The following HMCN1 variants were observed in gnomAD, a reference collection of about 807,000 sequenced individuals.
HMCN1 encodes hemicentin-1.
In HMCN1, 321 loss-of-function variants were observed where a neutral mutation model predicts 625.9. That is an observed-to-expected ratio of 0.51 (90% CI 0.47 to 0.56). The LOEUF (loss-of-function observed/expected upper bound fraction) is 0.56. Among genes scored for constraint, HMCN1 ranks in the 20% least tolerant of loss-of-function variants. HMCN1 has a pLI of 0.00. For missense variants in HMCN1, 6,588 were observed against 6,887.3 expected (o/e 0.96, Z 1.54); for synonymous variants, 2,425 against 2,417.6 (o/e 1.00, Z -0.09).
chr1:186,135,928 C>T (rs1422832890), intron 86 of HMCN1, among the ~76,000 whole-genome samples: 2 of 152,186 alleles, frequency 1.3e-5, no homozygotes, highest in African/African-American at 4.8e-5. Flanking sequence ...TATCTTTTCT[C>T]TATATGCTCT....
chr1:186,005,981 T>C (rs949132294), intron 29 of HMCN1, among the ~76,000 whole-genome samples: 3 of 151,706 alleles, frequency 2.0e-5, no homozygotes, highest in Non-Finnish European at 2.9e-5. Context: ...ACTAAAAATA[T>C]AAAAATTAGC....
intron 1 of HMCN1, among the ~76,000 whole-genome samples, chr1:185,776,970 A>G (rs987293399): frequency 6.6e-6 from 1 of 152,242 alleles, no homozygotes; most frequent in Non-Finnish European, 1.5e-5. Context: ...AGCCAATTAA[A>G]CCATAAATAC....
chr1:185,802,046 A>AT (rs1658830292), intron 1 of HMCN1, among the ~76,000 whole-genome samples: 1 of 152,126 alleles, frequency 6.6e-6, no homozygotes, highest in Admixed American at 6.5e-5. Flanking sequence ...TCTCTGAGAG[A>AT]TAAAAAGGAC....
intron 11 of HMCN1, among the ~76,000 whole-genome samples, chr1:185,951,472 T>C (rs559167449): frequency 0.031 from 4,243 of 138,662 alleles, 159 homozygotes; most frequent in African/African-American, 0.1. Context: ...AAGAAGGGGA[T>C]GGGCTTAACT....
Position 185,760,473 on chromosome 1 carries a change from G to A in HMCN1, c.268+25426G>A, listed in dbSNP as rs74133297. ...GTTCTTCAACGTAAAAGAATAGACC[G>A]ATGGTGTGGAGGCAGAGTCATTGTT... On this transcript the variant is annotated intron_variant, in intron 1 of 106. Coordinates refer to ENST00000271588, the MANE Select transcript of HMCN1 (RefSeq NM_031935.3). Among the ~76,000 whole-genome samples, 1,362 of 152,270 alleles carry A rather than the reference G, an allele frequency of 8.9e-3. 20 individuals are homozygous for A. Among genetic ancestry groups the A allele is most frequent in the African/African-American group, 0.029 (1,223 of 41,544 alleles).
At chr1:186,186,475 T>C (rs1290036621) in intron 105 of HMCN1, among the ~76,000 whole-genome samples, 1 of 152,128 alleles carries the variant, frequency 6.6e-6, no homozygotes, top group Admixed American at 6.6e-5. Context: ...TGCAATGAGC[T>C]GAGATTGCAC....
At chr1:185,837,312 T>C (rs529516472) in intron 1 of HMCN1, among the ~76,000 whole-genome samples, 1 of 152,144 alleles carries the variant, frequency 6.6e-6, no homozygotes, top group South Asian at 2.1e-4. Context: ...TTTTCTTTCT[T>C]ACACAGTATA....
At chr1:185,800,669 G>C (rs1052293722) in intron 1 of HMCN1, among the ~76,000 whole-genome samples, 1 of 152,050 alleles carries the variant, frequency 6.6e-6, no homozygotes, top group Non-Finnish European at 1.5e-5. Context: ...AAGTGAATTA[G>C]ATCTTTCACT....
chr1:185,796,753 TA>T (rs1292985742), intron 1 of HMCN1, among the ~76,000 whole-genome samples: 3 of 152,210 alleles, frequency 2.0e-5, no homozygotes, highest in Non-Finnish European at 4.4e-5. Flanking sequence ...ACTATTGATG[TA>T]TACTTAGGTT....
At chr1:186,160,228 C>G (rs1651353258) in intron 97 of HMCN1, among the ~76,000 whole-genome samples, 2 of 147,714 alleles carry the variant, frequency 1.4e-5, no homozygotes, top group African/African-American at 2.5e-5. Flanking sequence ...GTAGTATTCT[C>G]TGATGGTAGT....
chr1:185,993,406 A>G (rs1304659483), intron 23 of HMCN1, 97 bp downstream of exon 23: 13 of 1,404,182 alleles, frequency 9.3e-6, no homozygotes, highest in East Asian at 2.4e-5. Context: ...CAAATTGTAT[A>G]TAGAGTGATT....
chr1:185,760,323 G>A (rs1174678863), intron 1 of HMCN1, among the ~76,000 whole-genome samples: 1 of 152,158 alleles, frequency 6.6e-6, no homozygotes, highest in Non-Finnish European at 1.5e-5. Context: ...AGTCTCAAAG[G>A]TAATGCACAG....
chr1:186,127,941 G>A, intron 82 of HMCN1, 137 bp from the exon 83 acceptor site: 1 of 764,190 alleles, frequency 1.3e-6, no homozygotes, highest in East Asian at 2.7e-5. Flanking sequence ...TAACCTGATG[G>A]TTAAGACTAA....
chr1:186,178,913 C>A, intron 104 of HMCN1, 147 bp downstream of exon 104: 1 of 704,866 alleles, frequency 1.4e-6, no homozygotes, highest in Non-Finnish European at 2.6e-6. Context: ...TTTATTTTGG[C>A]ACCTAAAACT....
chr1:186,063,542 A>G (rs1409463541), intron 48 of HMCN1, among the ~76,000 whole-genome samples: 3 of 151,702 alleles, frequency 2.0e-5, no homozygotes, highest in Admixed American at 6.6e-5. Flanking sequence ...TCAATAAATC[A>G]TTCTCTTTTG....
In HMCN1 at chr1:186,190,326, A is replaced by AACTT. The variant is rs1181200768; in HGVS notation, c.*451_*454dup. On this transcript the variant is annotated 3_prime_UTR_variant, in exon 107 of 107. Coordinates refer to ENST00000271588, the MANE Select transcript of HMCN1 (RefSeq NM_031935.3). ...GTATTTTGATCAAAGCTTATAAAATAACTTACGGAGATTTTTGTAAGTATT... is the reference window on the plus strand; with the variant it reads ...GTATTTTGATCAAAGCTTATAAAATAACTTACTTACGGAGATTTTTGTAAGTATT... The AACTT allele has an allele frequency of 6.9e-5, 15 of 216,458 alleles. No individual in the cohort carries two copies. Among genetic ancestry groups the AACTT allele is most frequent in the Admixed American group, 3.7e-4 (7 of 18,964 alleles). 13.4% of individuals were successfully genotyped at this position (216,458 alleles called of 1,614,324 possible).
intron 5 of HMCN1, among the ~76,000 whole-genome samples, chr1:185,910,187 A>G (rs1368980627): frequency 5.9e-5 from 9 of 151,888 alleles, no homozygotes; most frequent in African/African-American, 2.2e-4. Context: ...CTGTGGCTTT[A>G]GTTGCATTTT....
rs771956452 is a variant in HMCN1 at position 186,108,559 on chromosome 1, C to T, written c.10951C>T (p.Pro3651Ser). ...ATGCAAGTCAGATGCAGTGCCCCCA[C>T]CTGTAATTACTTGGCTCAGAAATGG... ...LECKSDAVPPPVITWLRNGER... is the reference protein window; with the variant it reads ...LECKSDAVPPSVITWLRNGER... Residue 3651 changes from proline (P) to serine (S), a missense_variant, in exon 71 of 107, where the codon CCT becomes TCT. This residue lies in a region of HMCN1 where 4,628 missense variants were observed against 4,853.1 expected (regional missense o/e 0.95). Coordinates refer to ENST00000271588, the MANE Select transcript of HMCN1 (RefSeq NM_031935.3). 6.2e-7 allele frequency: 1 copy of T among 1,614,006 alleles called. No individual in the cohort carries two copies. The highest frequency in any genetic ancestry group is 1.3e-5 in the African/African-American group (1 of 74,922).
intron 1 of HMCN1, among the ~76,000 whole-genome samples, chr1:185,761,314 A>G (rs1655487461): frequency 6.6e-6 from 1 of 152,150 alleles, no homozygotes; most frequent in Non-Finnish European, 1.5e-5. Flanking sequence ...GCTTCTTCTG[A>G]GGCCCAGTGT....
Sources: allele counts gnomAD v4.1 joint callset (sites outside exome capture counted in the v4.1 genomes callset), GRCh38; gene constraint gnomAD v4.1.1; regional missense constraint gnomAD v4.1.1; transcripts MANE v1.5; gene names NCBI Gene and HGNC (gene_info 2026-07-23, HGNC 2026-07-21).